The following RAPGEF1 variants were observed in gnomAD, a reference collection of about 807,000 sequenced individuals.
RAPGEF1 encodes the protein Rap guanine nucleotide exchange factor 1, also known as CRK SH3-binding GNRP.
Under a neutral mutation model 143.3 loss-of-function variants are expected in RAPGEF1, and 33 were observed. The observed-to-expected ratio is 0.23, with a 90% CI of 0.17 to 0.31. RAPGEF1 has a LOEUF of 0.31. RAPGEF1 is among the 10% of genes least tolerant of loss of function. The pLI, the probability that RAPGEF1 is intolerant of heterozygous loss-of-function variation, is 1.00. For missense variants in RAPGEF1, 1,199 were observed against 1,645.4 expected, an observed-to-expected ratio of 0.73 and a Z score of 4.69; for synonymous variants, 629 against 676.5, an observed-to-expected ratio of 0.93 and a Z score of 1.09.
intron 5 of RAPGEF1, among the ~76,000 whole-genome samples, chr9:131,631,033 C>T (rs1964695724): frequency 6.6e-6 from 1 of 151,604 alleles, no homozygotes; most frequent in South Asian, 2.1e-4. Flanking sequence ...ACTAAAAACA[C>T]AAAGAACATT....
chr9:131,709,674 C>T (rs771915538), intron 1 of RAPGEF1: 4 of 1,613,866 alleles, frequency 2.5e-6, no homozygotes, highest in Non-Finnish European at 3.4e-6. Context: ...TTTTCAATAG[C>T]ATTGCCCATT....
chr9:131,693,788 AT>A (rs572395584), intron 1 of RAPGEF1, among the ~76,000 whole-genome samples: 10 of 148,194 alleles, frequency 6.7e-5, no homozygotes, highest in African/African-American at 2.5e-4. Flanking sequence ...TTTCCATTAT[AT>A]CCAGGGAATC....
At chr9:131,730,822 G>C (rs892218599) in intron 1 of RAPGEF1, among the ~76,000 whole-genome samples, 1 of 151,968 alleles carries the variant, frequency 6.6e-6, no homozygotes, top group East Asian at 1.9e-4. Context: ...TTTGCCCACG[G>C]TCACCCAGCC....
At chr9:131,697,442 T>C (rs954303769) in intron 1 of RAPGEF1, among the ~76,000 whole-genome samples, 2 of 152,200 alleles carry the variant, frequency 1.3e-5, no homozygotes, top group Admixed American at 1.3e-4. Context: ...CGAAGTGGCT[T>C]GCAGCGGCTC....
intron 1 of RAPGEF1, among the ~76,000 whole-genome samples, chr9:131,721,078 A>G (rs1836230104): frequency 6.6e-6 from 1 of 152,138 alleles, no homozygotes; most frequent in Admixed American, 6.6e-5. Context: ...ACGGAGCCCC[A>G]GACAATCCCA....
At position 131,650,729 on chromosome 9, in the gene RAPGEF1, C is replaced by A; in HGVS notation, c.201+81G>T. 6.5e-7 allele frequency: 1 copy of A among 1,548,138 alleles called. No individual in the cohort carries two copies. The highest frequency in any genetic ancestry group is 8.8e-7 in the Non-Finnish European group (1 of 1,142,208). ...TATGATGCACTGAAAGCTCAATCCC[C>A]AGGGAGGGAACATACAAATCGCACA... On this transcript the variant is annotated intron_variant, in intron 2 of 26. Transcript: ENST00000683357. The surrounding 1 kb of genome is among the most constrained non-coding windows in gnomAD (Gnocchi z 4.7).
At position 131,737,604 on chromosome 9, in the gene RAPGEF1, A is replaced by C. The variant is rs1048577951; in HGVS notation, c.61+2166T>G. ...TTTCTCCCAAATAGCAGAGAACTCAAATGAAGAGTCATTTCATTCCCAGCG... is the reference window on the plus strand; with the variant it reads ...TTTCTCCCAAATAGCAGAGAACTCACATGAAGAGTCATTTCATTCCCAGCG... On this transcript the variant is annotated intron_variant, in intron 1 of 26. Transcript: ENST00000683357. 4.6e-5 allele frequency: 68 copies of C among 1,476,742 alleles called. No homozygotes were observed. The Admixed American group carries it at 1.3e-3, about 28-fold the overall frequency. 91.5% of individuals were successfully genotyped at this position (1,476,742 alleles called of 1,614,324 possible).
rs1263108510 is a variant in RAPGEF1 at position 131,662,807 on chromosome 9, T to C, written c.62-11858A>G. The stretch of plus-strand genomic sequence containing the variant: ...ATCTGCCTGTCTCGGCCTCCCAAAG[T>C]GCTAGCCACCATGCCCAGCCCTGGC... On this transcript the variant is annotated intron_variant, in intron 1 of 26. Transcript: ENST00000683357. 1.3e-5 allele frequency among the ~76,000 whole-genome samples: 2 copies of C among 152,230 alleles called. 1 individual carries two copies. The highest frequency in any genetic ancestry group is 4.1e-4 in the South Asian group (2 of 4,824).
chr9:131,666,182 C>T (rs73561717), intron 1 of RAPGEF1, among the ~76,000 whole-genome samples: 3,707 of 152,214 alleles, frequency 0.024, 155 homozygotes, highest in African/African-American at 0.084. Context: ...TTCTAGCACA[C>T]GAGTCAGAGA....
At chr9:131,664,381 C>T (rs1319065840) in intron 1 of RAPGEF1, among the ~76,000 whole-genome samples, 2 of 152,028 alleles carry the variant, frequency 1.3e-5, no homozygotes, top group South Asian at 2.1e-4. Context: ...TTTCAGTGGA[C>T]ACAGCTAGGA....
chr9:131,621,870 C>T lies in RAPGEF1; in HGVS notation c.1831G>A (p.Asp611Asn), dbSNP rs746517464. 3.1e-6 allele frequency: 5 copies of T among 1,612,370 alleles called. No homozygotes were observed. In the South Asian group the frequency reaches 3.3e-5, roughly 11 times the overall value. Reference sequence around the variant, plus strand: ...ACGGAGTCCACCCCACTGAAGGAGTCGCTGAAGCCGTATACCTCCATGAGG... The same window carrying T: ...ACGGAGTCCACCCCACTGAAGGAGTTGCTGAAGCCGTATACCTCCATGAGG... ...KLLMEVYGFS[D>N]SFSGVDSVQE... The change falls in exon 11 of 27, where the codon GAC becomes AAC. Residue 611 changes from aspartate (D) to asparagine (N), a missense_variant. By Grantham distance (23) the Asp-to-Asn change is conservative. This residue lies in a region of RAPGEF1 where 293 missense variants were observed against 356.2 expected (regional missense o/e 0.82). Transcript: ENST00000683357. The surrounding 1 kb of genome is among the most constrained non-coding windows in gnomAD (Gnocchi z 4.5).
chr9:131,653,491 G>T (rs1971633121), intron 1 of RAPGEF1, among the ~76,000 whole-genome samples: 1 of 152,090 alleles, frequency 6.6e-6, no homozygotes, highest in South Asian at 2.1e-4. Flanking sequence ...ATGTAAAATG[G>T]GCAAAGAGTC....
chr9:131,666,935 G>C (rs1040732608), intron 1 of RAPGEF1, among the ~76,000 whole-genome samples: 6 of 152,158 alleles, frequency 3.9e-5, no homozygotes, highest in African/African-American at 1.4e-4. Flanking sequence ...GGTTGGATCT[G>C]CCTGCTTCAG....
intron 13 of RAPGEF1, among the ~76,000 whole-genome samples, 173 bp downstream of exon 13, chr9:131,604,758 T>C (rs566717269): frequency 6.6e-6 from 1 of 152,254 alleles, no homozygotes; most frequent in African/African-American, 2.4e-5. Context: ...TGACCCTCAG[T>C]AGCTGTCAGC....
At chr9:131,597,391 A>G (rs1955485552) in intron 16 of RAPGEF1, among the ~76,000 whole-genome samples, 1 of 152,238 alleles carries the variant, frequency 6.6e-6, no homozygotes, top group Non-Finnish European at 1.5e-5. Context: ...TGTGTGTGAC[A>G]GCCCAAGGCG....
intron 10 of RAPGEF1, among the ~76,000 whole-genome samples, chr9:131,625,501 C>T (rs547582644): frequency 6.6e-6 from 1 of 152,064 alleles, no homozygotes. Context: ...AGACAGGGAT[C>T]CTTAGACAAT....
chr9:131,643,468 A>G, intron 3 of RAPGEF1, 51 bp from the exon 4 acceptor site: 1 of 1,507,790 alleles, frequency 6.6e-7, no homozygotes, highest in African/African-American at 1.4e-5. Flanking sequence ...AAAGGGAGCT[A>G]TTTTGAAAAA....
intron 1 of RAPGEF1, among the ~76,000 whole-genome samples, chr9:131,714,040 T>C (rs1205411705): frequency 6.6e-6 from 1 of 152,140 alleles, no homozygotes; most frequent in Non-Finnish European, 1.5e-5. Context: ...CAAACATCTG[T>C]ACCTCAGGAA....
At position 131,628,815 on chromosome 9, in the gene RAPGEF1, C is replaced by T. The variant is rs1828923373; in HGVS notation, c.894-143G>A. 1 of 1,170,886 alleles carries T rather than the reference C, an allele frequency of 8.5e-7. No homozygotes were observed. The highest frequency in any genetic ancestry group is 1.6e-5 in the South Asian group (1 of 63,110). The allele number at this position is 1,170,886 out of a possible 1,614,324, so 72.5% of individuals were successfully genotyped here. A position where few individuals can be genotyped will look rare whatever the true frequency, so the allele number is the denominator to read the frequency against. ...CACACTTCAACTCCTGCCTACTCCC[C>T]TCCGCCAAAATAAAACCTGTAAATA... On this transcript the variant is annotated intron_variant, in intron 7 of 26. Transcript: ENST00000683357. This position sits in a 1 kb window ranked among gnomAD's most constrained non-coding sequence, Gnocchi z 5.7.
Sources: gnomAD v4.1 joint callset for allele counts (sites outside exome capture counted in the v4.1 genomes callset) on GRCh38, gnomAD v4.1.1 for gene constraint, gnomAD v4.1.1 regional missense constraint, Gnocchi (gnomAD v3.1) non-coding constraint, MANE v1.5 for transcripts, NCBI Gene and HGNC (gene_info 2026-07-23, HGNC 2026-07-21) for gene names.